AATK: variants seen among roughly 807,000 people sequenced by gnomAD.
AATK encodes the protein lemur tail kinase 1, also known as serine/threonine-protein kinase LMTK1.
A neutral mutation model predicts 114.3 loss-of-function variants in AATK; 91 were observed. The observed-to-expected ratio is 0.80, with a 90% confidence interval of 0.67 to 0.95. The LOEUF is 0.95. AATK is among the 40% of genes least tolerant of loss of function. The pLI, the probability that AATK is intolerant of heterozygous loss-of-function variation, is 0.00. For synonymous variants in AATK, 1,075 were observed against 916.5 expected, an observed-to-expected ratio of 1.17 and a Z score of -3.12; for missense variants, 2,176 against 1,965.2, an observed-to-expected ratio of 1.11 and a Z score of -2.03.
intron 1 of AATK, among the ~76,000 whole-genome samples, chr17:81,139,879 A>G (rs1273235814): frequency 3.9e-5 from 6 of 152,174 alleles, no homozygotes; most frequent in Non-Finnish European, 2.9e-5. Context: ...TTCTTAGGCC[A>G]CTGTCCACAC....
chr17:81,149,277 C>T lies in AATK; in HGVS notation c.56-14776G>A, dbSNP rs1347765381. 4.6e-5 allele frequency among the ~76,000 whole-genome samples: 7 copies of T among 152,050 alleles called. No individual in the cohort carries two copies. In the East Asian group the frequency reaches 9.6e-4, roughly 21 times the overall value. ...ACCACCACAGCCTCCAGCCCCGTCA[C>T]CAGGCCCAGTGGCCACCGCCCACAC... On this transcript the variant is annotated intron_variant, in intron 1 of 13. Transcript: ENST00000326724.
Position 81,122,649 on chromosome 17 carries a change from ACCGGGC to A in AATK, c.1281_1286del (p.Pro428_Gly429del), listed in dbSNP as rs926551791. On this transcript the variant is annotated inframe_deletion, in exon 11 of 14. Transcript: ENST00000326724. The stretch of plus-strand genomic sequence containing the variant: ...CGCCGCCCAGCATGGGCCCCGCCGC[ACCGGGC>A]CCGGGCCCCACGCCGCCCCCGCCGG... The A allele has an allele frequency of 1.2e-5, 18 of 1,469,334 alleles. No homozygotes were observed. Among genetic ancestry groups the A allele is most frequent in the Non-Finnish European group, 1.5e-5 (17 of 1,106,710 alleles). The allele number at this position is 1,469,334 out of a possible 1,614,324, so 91.0% of individuals were successfully genotyped here.
chr17:81,162,019 C>T (rs759215007), intron 1 of AATK, among the ~76,000 whole-genome samples: 3 of 152,224 alleles, frequency 2.0e-5, no homozygotes, highest in Middle Eastern at 3.4e-3. Context: ...GAGAATGTGC[C>T]GGAATGAGAG....
At chr17:81,137,144 G>A (rs2061022855) in intron 1 of AATK, among the ~76,000 whole-genome samples, 1 of 151,950 alleles carries the variant, frequency 6.6e-6, no homozygotes, top group Non-Finnish European at 1.5e-5. Context: ...TGTAATCCAA[G>A]CCACACAGGA....
intron 13 of AATK, 55 bp from the exon 14 acceptor site, chr17:81,118,497 C>T: frequency 6.4e-7 from 1 of 1,569,194 alleles, no homozygotes; most frequent in Non-Finnish European, 8.7e-7. Context: ...AGGGCTGCCT[C>T]CCCCGCAACT....
At chr17:81,160,338 C>G in intron 1 of AATK, 1 of 780,692 alleles carries the variant, frequency 1.3e-6, no homozygotes, top group Non-Finnish European at 1.6e-6. Flanking sequence ...AAGGCCGCAG[C>G]CCCCTGACCC....
At chr17:81,128,701 G>A in intron 3 of AATK, 152 bp from the exon 4 acceptor site, 1 of 1,458,566 alleles carries the variant, frequency 6.9e-7, no homozygotes. Context: ...CCACCATCAG[G>A]AGCCAGGGTC....
chr17:81,141,917 CTCCT>C lies in AATK; in HGVS notation c.56-7420_56-7417del, dbSNP rs72007585. The stretch of plus-strand genomic sequence containing the variant: ...TTCTTTTTTCTCTCTCTTTCTCCCT[CTCCT>C]TCCTTCCTTCCTTCCTTCCTTCCTT... On this transcript the variant is annotated intron_variant, in intron 1 of 13. Coordinates refer to ENST00000326724, the MANE Select transcript of AATK (RefSeq NM_001080395.3). 8.3e-3 allele frequency among the ~76,000 whole-genome samples: 1,104 copies of C among 132,298 alleles called. 8 individuals are homozygous for C. The highest frequency in any genetic ancestry group is 9.4e-3 in the Non-Finnish European group (585 of 62,168). 86.8% of individuals were successfully genotyped at this position (132,298 alleles called of 152,430 possible).
chr17:81,125,008 C>T lies in AATK; in HGVS notation c.762G>A (p.Leu254=). 1.3e-6 allele frequency: 2 copies of T among 1,554,460 alleles called. No individual in the cohort carries two copies. The highest frequency in any genetic ancestry group is 2.3e-5 in the East Asian group (1 of 43,004). The change falls in exon 8 of 14, where the codon CTG becomes CTA. Residue 254 remains leucine (L), a synonymous_variant. Transcript: ENST00000326724. ...CCGTGAGCAGGCAGTTCCGCAGGGCCAGGTCGCTGCAGGCAGGGGCAGGGG... is the reference window on the plus strand; with the variant it reads ...CCGTGAGCAGGCAGTTCCGCAGGGCTAGGTCGCTGCAGGCAGGGGCAGGGG... ...LHRNNFVHSD[L]ALRNCLLTAD...
In AATK at chr17:81,118,322, CCTT is replaced by C. The variant is rs956429734; in HGVS notation, c.*77_*79del. 9 of 1,460,602 alleles carry C rather than the reference CCTT, an allele frequency of 6.2e-6. No individual in the cohort carries two copies. The African/African-American group carries it at 7.0e-5, about 11-fold the overall frequency. 90.5% of individuals were successfully genotyped at this position (1,460,602 alleles called of 1,614,324 possible). ...AACAGCCACCAGGACGTGGTCCCCACCTTCTCGGTCACCATCCTCGCTGCTGCC... is the reference window on the plus strand; with the variant it reads ...AACAGCCACCAGGACGTGGTCCCCACCTCGGTCACCATCCTCGCTGCTGCC... On this transcript the variant is annotated 3_prime_UTR_variant, in exon 14 of 14. Transcript: ENST00000326724.
chr17:81,138,853 TA>T (rs2061076486), intron 1 of AATK, among the ~76,000 whole-genome samples: 4 of 149,886 alleles, frequency 2.7e-5, no homozygotes, highest in South Asian at 4.2e-4. Flanking sequence ...CGCGTGCAGA[TA>T]ACACGCACAC....
chr17:81,131,796 C>A, intron 2 of AATK: 1 of 1,268,474 alleles, frequency 7.9e-7, no homozygotes, highest in South Asian at 1.3e-5. Flanking sequence ...CCCCACAGTC[C>A]TGTGGGAGAA....
chr17:81,135,123 G>A (rs752602636), intron 1 of AATK, among the ~76,000 whole-genome samples: 3 of 152,160 alleles, frequency 2.0e-5, no homozygotes, highest in Non-Finnish European at 2.9e-5. Context: ...TTCTGTCCTG[G>A]GAACCATGGG....
At chr17:81,148,969 C>A (rs1198641040) in intron 1 of AATK, among the ~76,000 whole-genome samples, 1 of 152,138 alleles carries the variant, frequency 6.6e-6, no homozygotes, top group African/African-American at 2.4e-5. Flanking sequence ...GAGGGAGACA[C>A]GGAGACCGGG....
chr17:81,133,056 C>CGGCCT (rs2060958869), intron 2 of AATK: 1 of 325,194 alleles, frequency 3.1e-6, no homozygotes, highest in African/African-American at 2.3e-5. Context: ...GGCGCCTGCG[C>CGGCCT]GGCCTGGCCT....
Position 81,120,886 on chromosome 17 carries a change from C to G in AATK, c.3050G>C (p.Gly1017Ala). 1 of 1,583,608 alleles carries G rather than the reference C, an allele frequency of 6.3e-7. No homozygotes were observed. Among genetic ancestry groups the G allele is most frequent in the Non-Finnish European group, 8.6e-7 (1 of 1,165,440 alleles). ...ATSGPEKKCG[G>A]DRAPGPELGL... ...CAGCTCTGGCCCGGGGGCTCGGTCC[C>G]CGCCGCACTTCTTCTCTGGGCCTGA... is the stretch of plus-strand genomic sequence containing the variant. The change falls in exon 11 of 14, where the codon GGG (glycine) becomes GCG (alanine). Residue 1017 changes from glycine to alanine, a missense_variant. Gly to Ala is a moderately conservative substitution (Grantham distance 60). Around this residue, in one of 4 missense-constraint regions of AATK, gnomAD observed 1,701 missense variants for 1,394.7 expected, o/e 1.22. Coordinates refer to ENST00000326724, the MANE Select transcript of AATK (RefSeq NM_001080395.3).
In AATK at chr17:81,123,271, C is replaced by T. The variant is rs2060725462; in HGVS notation, c.1035G>A (p.Gln345=). The change falls in exon 10 of 14, where the codon CAG becomes CAA. Residue 345 remains glutamine, a synonymous_variant. Coordinates refer to ENST00000326724, the MANE Select transcript of AATK (RefSeq NM_001080395.3). Reference sequence around the variant, plus strand: ...GCTCCCGGACCGTGTACGCCAGCACCTGCTGGTCCGAGTGCTGGGGATAGG... The same window carrying T: ...GCTCCCGGACCGTGTACGCCAGCACTTGCTGGTCCGAGTGCTGGGGATAGG... ...TQPYPQHSDQ[Q]VLAYTVREQQ... is the part of the protein sequence containing the mutation. The T allele has an allele frequency of 4.3e-6, 6 of 1,405,516 alleles. No homozygotes were observed. The highest frequency in any genetic ancestry group is 4.6e-6 in the Non-Finnish European group (5 of 1,079,038). The allele number at this position is 1,405,516 out of a possible 1,614,324, so 87.1% of individuals were successfully genotyped here. A position where few individuals can be genotyped will look rare whatever the true frequency, so the allele number is the denominator to read the frequency against.
chr17:81,165,628 G>A (rs2061478377), intron 1 of AATK: 1 of 1,458,450 alleles, frequency 6.9e-7, no homozygotes, highest in Non-Finnish European at 9.1e-7. Context: ...CTTAGTCTGA[G>A]ACCAACTCTC....
intron 1 of AATK, among the ~76,000 whole-genome samples, chr17:81,152,414 C>T (rs1378456551): frequency 6.6e-6 from 1 of 152,182 alleles, no homozygotes; most frequent in African/African-American, 2.4e-5. Context: ...AATGAGACCC[C>T]GTCCCTACAA....
Sources: allele counts gnomAD v4.1 joint callset (sites outside exome capture counted in the v4.1 genomes callset), GRCh38; gene constraint gnomAD v4.1.1; regional missense constraint gnomAD v4.1.1; transcripts MANE v1.5; gene names NCBI Gene and HGNC (gene_info 2026-07-23, HGNC 2026-07-21).